The following HRG variants were observed in gnomAD, a reference collection of about 807,000 sequenced individuals.
HRG encodes the protein histidine-rich glycoprotein.
In HRG, 26 loss-of-function variants were observed where a neutral mutation model predicts 29.5. The ratio of observed to expected loss-of-function variants is 0.88; its 90% CI spans 0.65 to 1.22. The LOEUF (loss-of-function observed/expected upper bound fraction) is 1.22, where lower values mean the gene tolerates loss of function less well. HRG is among the 50% of genes most tolerant of loss of function. The pLI is 0.00. For synonymous variants in HRG, 243 were observed against 240.4 expected, an observed-to-expected ratio of 1.01 and a Z score of -0.10; for missense variants, 671 against 654.5, an observed-to-expected ratio of 1.03 and a Z score of -0.28.
At chr3:186,670,619 G>C (rs6796477) in intron 3 of HRG, among the ~76,000 whole-genome samples, 149,703 of 151,952 alleles carry the variant, frequency 0.99, 73,783 homozygotes, top group Middle Eastern at 1. Flanking sequence ...GTGATCTCGG[G>C]TCACTGCAAC....
At chr3:186,676,343 T>G (rs1467580780) in intron 6 of HRG, among the ~76,000 whole-genome samples, 3 of 152,132 alleles carry the variant, frequency 2.0e-5, no homozygotes, top group African/African-American at 7.2e-5. Context: ...GTCATAATAT[T>G]GTTTCACCAC....
Position 186,678,063 on chromosome 3 carries a change from G to C in HRG, c.*180G>C, listed in dbSNP as rs1185532734. 3.1e-6 allele frequency: 2 copies of C among 637,100 alleles called. No individual in the cohort carries two copies. Among genetic ancestry groups the C allele is most frequent in the Non-Finnish European group, 5.4e-6 (2 of 367,838 alleles). The allele number at this position is 637,100 out of a possible 1,614,324, so 39.5% of individuals were successfully genotyped here. On this transcript the variant is annotated 3_prime_UTR_variant, in exon 7 of 7. Coordinates refer to ENST00000232003, the MANE Select transcript of HRG (RefSeq NM_000412.5). Reference sequence around the variant, plus strand: ...GAGATCAAATGGAAAGGAGAGGAAAGAACTCAGTGCTGCCTATTAGTAGTT... The same window carrying C: ...GAGATCAAATGGAAAGGAGAGGAAACAACTCAGTGCTGCCTATTAGTAGTT...
intron 6 of HRG, among the ~76,000 whole-genome samples, chr3:186,676,842 C>G (rs1719007895): frequency 6.6e-6 from 1 of 151,898 alleles, no homozygotes; most frequent in African/African-American, 2.4e-5. Flanking sequence ...TTTTGTGAAA[C>G]AATGATGGTG....
chr3:186,666,959 A>G (rs1345324789), intron 1 of HRG: 1 of 152,242 alleles, frequency 6.6e-6, no homozygotes, highest in Non-Finnish European at 1.5e-5. Context: ...TATTTAATCC[A>G]AGGTTTACCT....
At chr3:186,667,378 A>G (rs992618788) in intron 1 of HRG, 5 of 152,230 alleles carry the variant, frequency 3.3e-5, no homozygotes, top group African/African-American at 1.2e-4. Flanking sequence ...TTTAGTTTCT[A>G]TGGCTTGCCT....
At position 186,670,041 on chromosome 3, in the gene HRG, G is replaced by T; in HGVS notation, c.391+13G>T. 1 of 1,322,400 alleles carries T rather than the reference G, an allele frequency of 7.6e-7. No homozygotes were observed. The highest frequency in any genetic ancestry group is 1.1e-6 in the Non-Finnish European group (1 of 915,074). 81.9% of individuals were successfully genotyped at this position (1,322,400 alleles called of 1,614,324 possible). On this transcript the variant is annotated intron_variant, in intron 3 of 6. Transcript: ENST00000232003. ...ACCACAAGTTCTGGTATGGTAATCT[G>T]TTAAATTGCTAATTAATTCTTGATT...
chr3:186,669,114 C>T, intron 2 of HRG, 63 bp downstream of exon 2: 3 of 932,056 alleles, frequency 3.2e-6, no homozygotes, highest in African/African-American at 1.6e-5. Context: ...ACTCTGTTCA[C>T]TCAGCCAATG....
At position 186,677,647 on chromosome 3, in the gene HRG, C is replaced by A. The variant is rs1042445; in HGVS notation, c.1342C>A (p.Arg448Ser). ...LRRRGPGKGP[R>S]PFHCRQIGSV... is the part of the protein sequence containing the mutation. The stretch of plus-strand genomic sequence containing the variant: ...AAGGCGAGGCCCAGGTAAAGGACCC[C>A]GTCCCTTCCATTGCAGACAAATTGG... Residue 448 changes from arginine to serine, a missense_variant, in exon 7 of 7, where the codon CGT (arginine) becomes AGT (serine). Coordinates refer to ENST00000232003, the MANE Select transcript of HRG (RefSeq NM_000412.5). 1.2e-6 allele frequency: 2 copies of A among 1,613,734 alleles called. No individual in the cohort carries two copies. Among genetic ancestry groups the A allele is most frequent in the Non-Finnish European group, 1.7e-6 (2 of 1,179,932 alleles).
At chr3:186,675,890 A>G (rs913155763) in intron 6 of HRG, among the ~76,000 whole-genome samples, 2 of 84,606 alleles carry the variant, frequency 2.4e-5, no homozygotes, top group African/African-American at 9.8e-5. Flanking sequence ...TTTTTTTGAG[A>G]AGGAGTTTTG....
intron 6 of HRG, 52 bp downstream of exon 6, chr3:186,675,242 C>T (rs370193084): frequency 4.6e-5 from 50 of 1,090,096 alleles, no homozygotes; most frequent in Non-Finnish European, 5.5e-5. Context: ...AAGTGACATA[C>T]GTACACAAAT....
chr3:186,674,147 A>G (rs957168683), intron 5 of HRG: 2 of 152,102 alleles, frequency 1.3e-5, no homozygotes, highest in African/African-American at 4.8e-5. Flanking sequence ...TAATGTCCAC[A>G]CTGAACCAGG....
chr3:186,669,627 C>T, intron 2 of HRG: 1 of 414,904 alleles, frequency 2.4e-6, no homozygotes. Flanking sequence ...TTCAAGATTT[C>T]ATTTCCAGAA....
At chr3:186,666,708 T>TG (rs1718621034) in intron 1 of HRG, among the ~76,000 whole-genome samples, 2 of 149,864 alleles carry the variant, frequency 1.3e-5, no homozygotes, top group African/African-American at 4.9e-5. Flanking sequence ...AGGTCAGGAG[T>TG]TCAAGACCAG....
chr3:186,671,834 C>T, intron 4 of HRG, 45 bp downstream of exon 4: 1 of 1,558,702 alleles, frequency 6.4e-7, no homozygotes, highest in Non-Finnish European at 8.8e-7. Flanking sequence ...GGCCCAGGCT[C>T]CAACCTGGCA....
chr3:186,669,592 G>A, intron 2 of HRG: 1 of 381,602 alleles, frequency 2.6e-6, no homozygotes, highest in South Asian at 2.3e-5. Context: ...CACAGGTGGA[G>A]AACATGAAGA....
chr3:186,675,150 C>T lies in HRG; in HGVS notation c.701C>T (p.Pro234Leu), dbSNP rs111439697. ...GTAGAAGCCTTGGACTTGGAAAGCC[C>T]GAAAAACCTTGTCATAAACTGTGAA... is the stretch of plus-strand genomic sequence containing the variant. ...YDVEALDLESPKNLVINCEVF... is the reference protein window; with the variant it reads ...YDVEALDLESLKNLVINCEVF... Residue 234 changes from proline to leucine, a missense_variant, in exon 6 of 7, where the codon CCG (proline) becomes CTG (leucine). Physicochemically the swap from Pro to Leu is moderately conservative, Grantham distance 98. Transcript: ENST00000232003. 5,157 of 1,613,806 alleles carry T rather than the reference C, an allele frequency of 3.2e-3. 132 individuals are homozygous for T. In the African/African-American group the frequency reaches 0.059, roughly 18 times the overall value.
At chr3:186,668,783 A>C (rs1718689593) in intron 1 of HRG, 152 bp from the exon 2 acceptor site, 1 of 633,224 alleles carries the variant, frequency 1.6e-6, no homozygotes, top group Non-Finnish European at 2.8e-6. Flanking sequence ...TATTGGAATC[A>C]ATAGATCAAA....
chr3:186,672,723 C>A lies in HRG; in HGVS notation c.559-64C>A. 8 of 1,020,510 alleles carry A rather than the reference C, an allele frequency of 7.8e-6. No individual in the cohort carries two copies. In the South Asian group the frequency reaches 1.0e-4, roughly 13 times the overall value. The allele number at this position is 1,020,510 out of a possible 1,614,324, so 63.2% of individuals were successfully genotyped here. A position where few individuals can be genotyped will look rare whatever the true frequency, so the allele number is the denominator to read the frequency against. On this transcript the variant is annotated intron_variant, in intron 4 of 6. Transcript: ENST00000232003. ...TTAAAAAATATTGAATGGTAGTTAT[C>A]TACTGCTTTTTTTTCCTTTTTCTTT...
chr3:186,669,709 C>T, intron 2 of HRG: 1 of 569,822 alleles, frequency 1.8e-6, no homozygotes, highest in Non-Finnish European at 3.2e-6. Context: ...GGCCATGATG[C>T]TTTAAATAGT....
Sources: allele counts gnomAD v4.1 joint callset (sites outside exome capture counted in the v4.1 genomes callset), GRCh38; gene constraint gnomAD v4.1.1; transcripts MANE v1.5; gene names NCBI Gene and HGNC (gene_info 2026-07-23, HGNC 2026-07-21).